Variants in NXPE3 observed in about 807,000 individuals in gnomAD.
NXPE3 encodes neurexophilin and PC-esterase domain family member 3.
A neutral mutation model predicts 46.1 loss-of-function variants in NXPE3; 26 were observed. The ratio of observed to expected loss-of-function variants is 0.56; its 90% CI spans 0.41 to 0.78. NXPE3 has a LOEUF of 0.78. Ranked by LOEUF, NXPE3 falls within the 30% of genes least tolerant of loss-of-function variation. The probability of loss-of-function intolerance (pLI) is 0.00; values close to 1 mark genes in which losing one functional copy is unlikely to be tolerated. For missense variants in NXPE3, 620 were observed against 686.0 expected (o/e 0.90, Z 1.07); for synonymous variants, 272 against 257.9 (o/e 1.05, Z -0.52).
chr3:101,805,095 G>T (rs1252211963), intron 5 of NXPE3, among the ~76,000 whole-genome samples: 2 of 151,956 alleles, frequency 1.3e-5, no homozygotes, highest in Non-Finnish European at 2.9e-5. Context: ...TTTTTCCCCT[G>T]AACCACCTGA....
At chr3:101,787,710 A>G (rs1240105507) in intron 4 of NXPE3, among the ~76,000 whole-genome samples, 5 of 152,230 alleles carry the variant, frequency 3.3e-5, no homozygotes, top group Non-Finnish European at 7.3e-5. Flanking sequence ...AGGCTGAGTA[A>G]TACTTCTCTG....
chr3:101,818,715 TTATATATATATATATATA>T (rs61602305), intron 7 of NXPE3, among the ~76,000 whole-genome samples: 16 of 38,046 alleles, frequency 4.2e-4, no homozygotes, highest in Admixed American at 2.3e-3. Flanking sequence ...ATATGACAAT[TTATATATATATATATATA>T]TATATATATA....
chr3:101,822,061 ATTTC>A lies in NXPE3; in HGVS notation c.*108_*111del. ...GATGACTGCCCTTAATAAGTATAAA[ATTTC>A]AAAAAGATCTGGACTTAATATGATG... On this transcript the variant is annotated 3_prime_UTR_variant, in exon 8 of 8. Transcript: ENST00000273347. 1 of 997,552 alleles carries A rather than the reference ATTTC, an allele frequency of 1.0e-6. No homozygotes were observed. Among genetic ancestry groups the A allele is most frequent in the Non-Finnish European group, 1.5e-6 (1 of 676,862 alleles). 61.8% of individuals were successfully genotyped at this position (997,552 alleles called of 1,614,324 possible). A position where few individuals can be genotyped will look rare whatever the true frequency, so the allele number is the denominator to read the frequency against.
chr3:101,808,341 A>T lies in NXPE3; in HGVS notation c.922+1215A>T, dbSNP rs148544819. Among the ~76,000 whole-genome samples, 5 of 152,162 alleles carry T rather than the reference A, an allele frequency of 3.3e-5. No homozygotes were observed. The East Asian group carries it at 7.7e-4, about 24-fold the overall frequency. ...CCTTCTAGCTTTTAAAAGTATATTA[A>T]CTAATAGTACTGCACTCTGCAGATG... On this transcript the variant is annotated intron_variant, in intron 6 of 7. Transcript: ENST00000273347.
intron 4 of NXPE3, among the ~76,000 whole-genome samples, chr3:101,786,754 T>A (rs544503549): frequency 6.6e-6 from 1 of 152,328 alleles, no homozygotes; most frequent in African/African-American, 2.4e-5. Flanking sequence ...TTTTAGAAAC[T>A]CTTTTTTTAA....
Position 101,821,633 on chromosome 3 carries a change from G to A in NXPE3, c.1359G>A (p.Leu453=). Residue 453 remains leucine (L), a synonymous_variant, in exon 8 of 8, where the codon TTG becomes TTA. Transcript: ENST00000273347. The stretch of plus-strand genomic sequence containing the variant: ...GGTCTCACTTCAGCACCTTCCCTTT[G>A]GAAGTGTACATCCGGCGGCTCAGGA... ...AVWSHFSTFP[L]EVYIRRLRNI... 2 of 1,614,190 alleles carry A rather than the reference G, an allele frequency of 1.2e-6. No individual in the cohort carries two copies. Among genetic ancestry groups the A allele is most frequent in the Non-Finnish European group, 1.7e-6 (2 of 1,180,026 alleles).
At chr3:101,810,191 C>T (rs1020131350) in intron 6 of NXPE3, among the ~76,000 whole-genome samples, 3 of 152,144 alleles carry the variant, frequency 2.0e-5, no homozygotes, top group African/African-American at 7.2e-5. Flanking sequence ...AGAATTACTG[C>T]TGAGTTTTCA....
At chr3:101,791,346 AT>A (rs1334974863) in intron 4 of NXPE3, among the ~76,000 whole-genome samples, 1 of 151,984 alleles carries the variant, frequency 6.6e-6, no homozygotes, top group African/African-American at 2.4e-5. Context: ...ATTTTCTTAT[AT>A]TTTTTATGGA....
intron 6 of NXPE3, among the ~76,000 whole-genome samples, chr3:101,815,091 G>A (rs1341771866): frequency 6.6e-6 from 1 of 152,236 alleles, no homozygotes; most frequent in Non-Finnish European, 1.5e-5. Flanking sequence ...CTGTTTTGAA[G>A]CATGTAACGT....
At chr3:101,779,651 C>T (rs1197794533) in intron 1 of NXPE3, 1 of 152,738 alleles carries the variant, frequency 6.5e-6, no homozygotes, top group East Asian at 1.9e-4. Context: ...CATCTCCATC[C>T]TCAGTTTCCT....
intron 3 of NXPE3, among the ~76,000 whole-genome samples, chr3:101,783,166 G>A (rs186999456): frequency 6.6e-6 from 1 of 151,964 alleles, no homozygotes; most frequent in South Asian, 2.1e-4. Context: ...GGTTCACGCT[G>A]TTCTCCTGCC....
intron 7 of NXPE3, among the ~76,000 whole-genome samples, chr3:101,817,713 A>G (rs775550964): frequency 2.0e-5 from 3 of 152,132 alleles, no homozygotes; most frequent in Non-Finnish European, 4.4e-5. Flanking sequence ...GGAAGGAGGG[A>G]TCCTGAAGGA....
At chr3:101,800,378 A>G (rs1474868136) in intron 4 of NXPE3, among the ~76,000 whole-genome samples, 2 of 152,092 alleles carry the variant, frequency 1.3e-5, no homozygotes, top group Non-Finnish European at 2.9e-5. Context: ...GTTTAATTTC[A>G]TTATGGCTTA....
At chr3:101,795,127 C>T (rs1940749139) in intron 4 of NXPE3, among the ~76,000 whole-genome samples, 1 of 152,238 alleles carries the variant, frequency 6.6e-6, no homozygotes, top group African/African-American at 2.4e-5. Flanking sequence ...GTCTCTCACT[C>T]TCTAATCCCT....
intron 1 of NXPE3, among the ~76,000 whole-genome samples, chr3:101,780,498 A>G (rs1306074465): frequency 6.6e-6 from 1 of 152,140 alleles, no homozygotes; most frequent in East Asian, 1.9e-4. Flanking sequence ...GAAACGAATA[A>G]CAGTCCCTGG....
intron 4 of NXPE3, among the ~76,000 whole-genome samples, chr3:101,798,786 G>A (rs1202761779): frequency 1.3e-5 from 2 of 151,590 alleles, no homozygotes; most frequent in African/African-American, 2.4e-5. Flanking sequence ...CTAAATTTTT[G>A]TATTTTTAGT....
rs1942338764 is a variant in NXPE3, at chr3:101,823,290, G to A, written c.*1336G>A. 1 of 151,962 alleles carries A rather than the reference G, an allele frequency of 6.6e-6. No individual in the cohort carries two copies. Among genetic ancestry groups the A allele is most frequent in the African/African-American group, 2.4e-5 (1 of 41,328 alleles). 9.4% of individuals were successfully genotyped at this position (151,962 alleles called of 1,614,324 possible). Reference sequence around the variant, plus strand: ...TTGGGTTTTTAATTTAAAATAGGAGGGCCCCAGATCTTACTTTCCTGTCCT... The same window carrying A: ...TTGGGTTTTTAATTTAAAATAGGAGAGCCCCAGATCTTACTTTCCTGTCCT... On this transcript the variant is annotated 3_prime_UTR_variant, in exon 8 of 8. Transcript: ENST00000273347.
intron 5 of NXPE3, among the ~76,000 whole-genome samples, chr3:101,802,347 G>GTGC (rs1232598056): frequency 6.6e-6 from 1 of 151,996 alleles, no homozygotes; most frequent in Non-Finnish European, 1.5e-5. Flanking sequence ...GTCAGATGTG[G>GTGC]TGACTCATGC....
At chr3:101,804,789 C>T (rs576707455) in intron 5 of NXPE3, among the ~76,000 whole-genome samples, 1 of 152,216 alleles carries the variant, frequency 6.6e-6, no homozygotes, top group East Asian at 1.9e-4. Flanking sequence ...TGTTCTTTAT[C>T]TATAAGGGAA....
Sources: gnomAD v4.1 joint callset for allele counts (sites outside exome capture counted in the v4.1 genomes callset) on GRCh38, gnomAD v4.1.1 for gene constraint, MANE v1.5 for transcripts, NCBI Gene and HGNC (gene_info 2026-07-23, HGNC 2026-07-21) for gene names.